Variants in LDLRAD4 observed in about 807,000 individuals in gnomAD.
LDLRAD4 encodes low-density lipoprotein receptor class A domain-containing protein 4.
In LDLRAD4, 5 loss-of-function variants were observed where a neutral mutation model predicts 17.0. The ratio of observed to expected loss-of-function variants is 0.29; its 90% confidence interval spans 0.15 to 0.62. The LOEUF is 0.62. Ranked by LOEUF, LDLRAD4 falls within the 20% of genes least tolerant of loss-of-function variation. The pLI is 0.84. For synonymous variants in LDLRAD4, 168 were observed against 171.8 expected, an observed-to-expected ratio of 0.98 and a Z score of 0.17; for missense variants, 340 against 424.7, an observed-to-expected ratio of 0.80 and a Z score of 1.75.
At chr18:13,390,666 A>G (rs1328929863) in intron 2 of LDLRAD4, among the ~76,000 whole-genome samples, 3 of 152,114 alleles carry the variant, frequency 2.0e-5, no homozygotes, top group South Asian at 2.1e-4. Flanking sequence ...CAAAAAAAAA[A>G]AATCACCTGA....
At chr18:13,403,191 C>T (rs1245018471) in intron 2 of LDLRAD4, among the ~76,000 whole-genome samples, 1 of 152,152 alleles carries the variant, frequency 6.6e-6, no homozygotes, top group Admixed American at 6.5e-5. Context: ...ACAGGGACCA[C>T]CCCTGAGTAG....
chr18:13,246,831 A>G (rs2042979195), intron 1 of LDLRAD4, among the ~76,000 whole-genome samples: 2 of 152,198 alleles, frequency 1.3e-5, no homozygotes, highest in African/African-American at 4.8e-5. Context: ...TCATAACCTC[A>G]GGGTTAGACA....
At chr18:13,417,695 A>G (rs1323956459) in intron 2 of LDLRAD4, among the ~76,000 whole-genome samples, 2 of 152,066 alleles carry the variant, frequency 1.3e-5, no homozygotes, top group East Asian at 1.9e-4. Flanking sequence ...CGGCCTCCCA[A>G]AGTGCTGGGA....
At chr18:13,492,983 G>A (rs2093390034) in intron 3 of LDLRAD4, among the ~76,000 whole-genome samples, 1 of 152,196 alleles carries the variant, frequency 6.6e-6, no homozygotes, top group Non-Finnish European at 1.5e-5. Context: ...GCTGGGCATG[G>A]TTGTGTGTGC....
At chr18:13,437,890 G>A (rs2090769951) in intron 2 of LDLRAD4, among the ~76,000 whole-genome samples, 1 of 152,248 alleles carries the variant, frequency 6.6e-6, no homozygotes, top group South Asian at 2.1e-4. Flanking sequence ...GAACTGCCAA[G>A]GATGTTTTCA....
At chr18:13,572,928 C>T (rs902607255) in intron 3 of LDLRAD4, among the ~76,000 whole-genome samples, 9 of 152,194 alleles carry the variant, frequency 5.9e-5, no homozygotes, top group African/African-American at 1.4e-4. Flanking sequence ...CTGCCACAGA[C>T]GCCAGTGAGG....
At chr18:13,222,225 G>C (rs1306173564) in intron 1 of LDLRAD4, among the ~76,000 whole-genome samples, 1 of 151,938 alleles carries the variant, frequency 6.6e-6, no homozygotes, top group Non-Finnish European at 1.5e-5. Context: ...CTTGGCATCG[G>C]AAAAATGTCG....
chr18:13,387,641 TG>T lies in LDLRAD4; in HGVS notation c.-80del. 7.8e-7 allele frequency: 1 copy of T among 1,279,154 alleles called. No homozygotes were observed. The highest frequency in any genetic ancestry group is 1.1e-6 in the Non-Finnish European group (1 of 879,530). 79.2% of individuals were successfully genotyped at this position (1,279,154 alleles called of 1,614,324 possible). ...AGCGATGGACTTGGACAGGCTAAGATGGAAGTGACCTGAGCCTCGCCCGGCG... is the reference window on the plus strand; with the variant it reads ...AGCGATGGACTTGGACAGGCTAAGATGAAGTGACCTGAGCCTCGCCCGGCG... On this transcript the variant is annotated 5_prime_UTR_variant, in exon 2 of 6. The change creates a premature stop within an existing upstream ORF in the 5' untranslated region. Transcript: ENST00000359446.
intron 1 of LDLRAD4, among the ~76,000 whole-genome samples, chr18:13,316,022 G>A (rs939321639): frequency 3.3e-5 from 5 of 152,122 alleles, no homozygotes; most frequent in East Asian, 1.9e-4. Context: ...AAGGCCCAGC[G>A]TGCAAAGGTG....
intron 3 of LDLRAD4, among the ~76,000 whole-genome samples, chr18:13,604,414 T>C (rs1237827705): frequency 1.3e-5 from 2 of 152,206 alleles, no homozygotes; most frequent in Non-Finnish European, 2.9e-5. Context: ...GCACCACCTA[T>C]GTGTGCCATA....
intron 3 of LDLRAD4, chr18:13,526,009 A>G (rs2094026025): frequency 6.6e-6 from 1 of 152,170 alleles, no homozygotes. Flanking sequence ...GGTATTAATC[A>G]TGCTTGAAAT....
Position 13,283,814 on chromosome 18 carries a change from G to A in LDLRAD4, c.-383+5626G>A, listed in dbSNP as rs186910509. Among the ~76,000 whole-genome samples, 9 of 152,254 alleles carry A rather than the reference G, an allele frequency of 5.9e-5. No individual in the cohort carries two copies. In the East Asian group the frequency reaches 1.5e-3, roughly 26 times the overall value. On this transcript the variant is annotated intron_variant, in intron 1 of 5. Coordinates refer to ENST00000359446, the Ensembl canonical transcript of LDLRAD4. ...TCACCCTGCTGATAAAGACATACCC[G>A]AGACTGGGAAGAAAATAGGTTTAAT... is the stretch of plus-strand genomic sequence containing the variant.
upstream of LDLRAD4, among the ~76,000 whole-genome samples, chr18:13,274,602 A>C (rs1016427872): frequency 6.6e-6 from 1 of 152,198 alleles, no homozygotes; most frequent in African/African-American, 2.4e-5. Context: ...ATTGATGAAG[A>C]AGTGGGAATA....
chr18:13,253,663 G>T (rs1308005814), intron 1 of LDLRAD4, among the ~76,000 whole-genome samples: 3 of 152,196 alleles, frequency 2.0e-5, no homozygotes, highest in African/African-American at 7.2e-5. Context: ...AGAAAAGAGA[G>T]TGGAATTCGG....
chr18:13,641,390 G>T, intron 4 of LDLRAD4, among the ~76,000 whole-genome samples: 1 of 152,268 alleles, frequency 6.6e-6, no homozygotes, highest in East Asian at 1.9e-4. Flanking sequence ...CAAATGGATA[G>T]AGATAGATTA....
At chr18:13,337,069 A>C (rs2082137548) in intron 1 of LDLRAD4, among the ~76,000 whole-genome samples, 1 of 152,176 alleles carries the variant, frequency 6.6e-6, no homozygotes, top group South Asian at 2.1e-4. Context: ...ATGGCTTTCC[A>C]GGCTTTACAA....
intron 3 of LDLRAD4, among the ~76,000 whole-genome samples, chr18:13,583,580 A>G (rs1019812890): frequency 1.3e-5 from 2 of 152,258 alleles, no homozygotes; most frequent in South Asian, 2.1e-4. Context: ...TTAGAGGAAC[A>G]TAATATCACC....
chr18:13,641,808 T>C (rs1467850239), intron 4 of LDLRAD4: 1 of 985,550 alleles, frequency 1.0e-6, no homozygotes, highest in East Asian at 1.1e-4. Context: ...TGTGGGCACT[T>C]GGCCGGGTTT....
intron 3 of LDLRAD4, among the ~76,000 whole-genome samples, chr18:13,493,383 G>C (rs1333727186): frequency 6.6e-6 from 1 of 152,140 alleles, no homozygotes; most frequent in African/African-American, 2.4e-5. Flanking sequence ...GTTAAATCAT[G>C]GAGTCAGCTT....
Sources: gnomAD v4.1 joint callset for allele counts (sites outside exome capture counted in the v4.1 genomes callset) on GRCh38, gnomAD v4.1.1 for gene constraint, MANE v1.5 for transcripts, NCBI Gene and HGNC (gene_info 2026-07-23, HGNC 2026-07-21) for gene names.